NLGN1: variants seen among roughly 807,000 people sequenced by gnomAD.
NLGN1 encodes neuroligin-1.
In NLGN1, 12 loss-of-function variants were observed where a neutral mutation model predicts 65.5. The ratio of observed to expected loss-of-function variants is 0.18; its 90% CI spans 0.12 to 0.30. The LOEUF is 0.30. Ranked by LOEUF, NLGN1 falls within the 10% of genes least tolerant of loss-of-function variation. The pLI, the probability that NLGN1 is intolerant of heterozygous loss-of-function variation, is 1.00. For synonymous variants in NLGN1, 350 were observed against 359.5 expected (o/e 0.97, Z 0.30); for missense variants, 750 against 1,007.1 (o/e 0.74, Z 3.46).
chr3:174,084,097 C>T (rs1283736870), intron 4 of NLGN1, among the ~76,000 whole-genome samples: 2 of 152,150 alleles, frequency 1.3e-5, no homozygotes, highest in South Asian at 2.1e-4. Flanking sequence ...TTTTTTCACA[C>T]ATTTTTAAAG....
rs151182798 is a variant in NLGN1, at chr3:174,279,264, T to C, written c.1263T>C (p.Asn421=). 72 of 1,613,248 alleles carry C rather than the reference T, an allele frequency of 4.5e-5. No individual in the cohort carries two copies. The highest frequency in any genetic ancestry group is 5.8e-5 in the Non-Finnish European group (69 of 1,179,568). Residue 421 remains asparagine, a synonymous_variant, in exon 6 of 7, where the codon AAT becomes AAC. Transcript: ENST00000457714. This position sits in a 1 kb window ranked among gnomAD's most constrained non-coding sequence, Gnocchi z 4.7. ...TTGCTGTTTCAAATTTTGTTGATAA[T>C]TTATATGGATATCCTGAAGGCAAAG...
At chr3:174,194,666 A>G (rs1425511940) in intron 4 of NLGN1, among the ~76,000 whole-genome samples, 1 of 151,514 alleles carries the variant, frequency 6.6e-6, no homozygotes, top group African/African-American at 2.4e-5. Context: ...GATATGTTTA[A>G]GAAGTAAATA....
At chr3:173,432,436 A>G (rs1717358688) in intron 1 of NLGN1, among the ~76,000 whole-genome samples, 1 of 152,142 alleles carries the variant, frequency 6.6e-6, no homozygotes, top group South Asian at 2.1e-4. Flanking sequence ...GCCGTGTAGA[A>G]GTACCTCGTT....
Position 173,533,202 on chromosome 3 carries a change from C to A in NLGN1, c.-320-71077C>A, listed in dbSNP as rs148353800. 3.1e-3 allele frequency among the ~76,000 whole-genome samples: 467 copies of A among 152,294 alleles called. 9 individuals are homozygous for A. In the East Asian group the frequency reaches 0.065, roughly 21 times the overall value. On this transcript the variant is annotated intron_variant, in intron 2 of 6. Coordinates refer to ENST00000457714, the Ensembl canonical transcript of NLGN1. ...TTATTATTGGATAACTCACACAAAA[C>A]TGTTATACTTCAATTAAATCTGTAT...
At chr3:174,050,680 C>T (rs1419597752) in intron 4 of NLGN1, among the ~76,000 whole-genome samples, 1 of 151,966 alleles carries the variant, frequency 6.6e-6, no homozygotes, top group Non-Finnish European at 1.5e-5. Flanking sequence ...TCCCTTCCCT[C>T]CACCTTTATT....
intron 4 of NLGN1, among the ~76,000 whole-genome samples, chr3:173,909,874 C>G (rs1416033060): frequency 6.6e-6 from 1 of 152,104 alleles, no homozygotes; most frequent in East Asian, 1.9e-4. Context: ...GACGGGGTTT[C>G]TCCACGTTGG....
intron 1 of NLGN1, among the ~76,000 whole-genome samples, chr3:173,413,150 G>A (rs562907554): frequency 5.9e-5 from 9 of 151,946 alleles, no homozygotes; most frequent in Admixed American, 1.3e-4. Context: ...TGGGGGAAGC[G>A]ATGGACTAAG....
chr3:173,565,270 C>T (rs891210750), intron 2 of NLGN1, among the ~76,000 whole-genome samples: 7 of 152,100 alleles, frequency 4.6e-5, no homozygotes, highest in African/African-American at 1.7e-4. Context: ...AAATAGGCTG[C>T]CTTACAGATG....
intron 3 of NLGN1, chr3:173,605,593 G>A: frequency 3.1e-6 from 4 of 1,277,382 alleles, no homozygotes; most frequent in Non-Finnish European, 3.1e-6. Context: ...TAGAAAAGGA[G>A]GTATGTATAA....
chr3:173,510,715 A>G (rs1732806228), intron 2 of NLGN1, among the ~76,000 whole-genome samples: 1 of 152,168 alleles, frequency 6.6e-6, no homozygotes, highest in Non-Finnish European at 1.5e-5. Context: ...CCTTGTCGTT[A>G]TAAAAAGAAA....
chr3:173,631,622 G>A (rs895580469), intron 3 of NLGN1, among the ~76,000 whole-genome samples: 2 of 152,042 alleles, frequency 1.3e-5, no homozygotes, highest in African/African-American at 2.4e-5. Flanking sequence ...TTGGCAACTT[G>A]GTAAATATAG....
chr3:173,810,957 A>G (rs1717792968), intron 4 of NLGN1, among the ~76,000 whole-genome samples: 1 of 152,214 alleles, frequency 6.6e-6, no homozygotes, highest in East Asian at 1.9e-4. Flanking sequence ...ACTGCCAATA[A>G]GATTGACAAA....
At chr3:173,492,710 C>T (rs527644277) in intron 2 of NLGN1, among the ~76,000 whole-genome samples, 1 of 151,668 alleles carries the variant, frequency 6.6e-6, no homozygotes, top group South Asian at 2.1e-4. Context: ...ATTGCAAAAA[C>T]AATAGTTTAC....
intron 4 of NLGN1, among the ~76,000 whole-genome samples, chr3:174,012,315 T>C (rs1489263352): frequency 6.6e-6 from 1 of 152,150 alleles, no homozygotes; most frequent in Admixed American, 6.6e-5. Context: ...CCTACTCCAT[T>C]CTTGAAGAGA....
At chr3:173,890,903 A>G (rs922095205) in intron 4 of NLGN1, among the ~76,000 whole-genome samples, 3 of 152,184 alleles carry the variant, frequency 2.0e-5, no homozygotes, top group African/African-American at 7.2e-5. Context: ...ATGAGAGTTC[A>G]ATTAAGTGAT....
chr3:174,181,106 C>G (rs73038803), intron 4 of NLGN1, among the ~76,000 whole-genome samples: 2,308 of 152,246 alleles, frequency 0.015, 56 homozygotes, highest in African/African-American at 0.053. Context: ...GAAATAACCA[C>G]ATCCGGGACA....
At chr3:173,966,929 G>C (rs1371583449) in intron 4 of NLGN1, among the ~76,000 whole-genome samples, 1 of 152,258 alleles carries the variant, frequency 6.6e-6, no homozygotes, top group East Asian at 1.9e-4. Flanking sequence ...TGATGACAAT[G>C]TTCAAATATC....
chr3:173,560,313 T>TA (rs960157946), intron 2 of NLGN1, among the ~76,000 whole-genome samples: 3 of 145,724 alleles, frequency 2.1e-5, no homozygotes, highest in Non-Finnish European at 4.5e-5. Context: ...GGAAACTGAG[T>TA]AAAAATAGGA....
At chr3:173,818,229 T>C (rs1012406961) in intron 4 of NLGN1, among the ~76,000 whole-genome samples, 5 of 151,996 alleles carry the variant, frequency 3.3e-5, no homozygotes, top group Non-Finnish European at 7.4e-5. Context: ...TGAGAAAAAA[T>C]GACATTAAAC....
Sources: gnomAD v4.1 joint callset for allele counts (sites outside exome capture counted in the v4.1 genomes callset) on GRCh38, gnomAD v4.1.1 for gene constraint, Gnocchi (gnomAD v3.1) non-coding constraint, MANE v1.5 for transcripts, NCBI Gene and HGNC (gene_info 2026-07-23, HGNC 2026-07-21) for gene names.